The following PCDH15 variants were observed in gnomAD, a reference collection of about 807,000 sequenced individuals.
PCDH15 encodes protocadherin-15.
In PCDH15, 129 loss-of-function variants were observed where a neutral mutation model predicts 178.5. That is an observed-to-expected ratio of 0.72 (90% CI 0.63 to 0.84). The LOEUF is 0.84. Among genes scored for constraint, PCDH15 ranks in the 40% least tolerant of loss-of-function variants. The pLI, the probability that PCDH15 is intolerant of heterozygous loss-of-function variation, is 0.00. For synonymous variants in PCDH15, 800 were observed against 732.0 expected (o/e 1.09, Z -1.50); for missense variants, 2,230 against 2,099.9 (o/e 1.06, Z -1.21).
intron 3 of PCDH15, among the ~76,000 whole-genome samples, chr10:54,492,709 A>G (rs1183836169): frequency 1.3e-5 from 2 of 152,188 alleles, no homozygotes; most frequent in African/African-American, 4.8e-5. Context: ...TTTAAGAGAC[A>G]GACTACATTC....
intron 3 of PCDH15, among the ~76,000 whole-genome samples, chr10:54,809,090 CTT>C (rs1364093950): frequency 3.3e-5 from 5 of 152,110 alleles, no homozygotes; most frequent in Admixed American, 2.6e-4. Context: ...GAGGGATACT[CTT>C]TGCAAATTTT....
At chr10:55,438,062 C>T (rs1015700732) in intron 2 of PCDH15, among the ~76,000 whole-genome samples, 6 of 151,650 alleles carry the variant, frequency 4.0e-5, no homozygotes, top group African/African-American at 1.2e-4. Context: ...CTCAAACTAC[C>T]GACCTCAGGT....
intron 1 of PCDH15, among the ~76,000 whole-genome samples, chr10:55,246,548 C>A (rs1028789621): frequency 6.6e-6 from 1 of 152,160 alleles, no homozygotes; most frequent in Non-Finnish European, 1.5e-5. Flanking sequence ...GATTTATGAC[C>A]TAATGGGTAA....
intron 2 of PCDH15, among the ~76,000 whole-genome samples, chr10:55,062,570 C>T (rs1841459646): frequency 6.6e-6 from 1 of 152,018 alleles, no homozygotes; most frequent in South Asian, 2.1e-4. Context: ...TCAGTAATTG[C>T]CTGAGGTTGA....
In PCDH15 at chr10:53,938,803, A is replaced by G; in HGVS notation, c.3373+12T>C. 1 of 1,611,840 alleles carries G rather than the reference A, an allele frequency of 6.2e-7. No individual in the cohort carries two copies. Among genetic ancestry groups the G allele is most frequent in the Non-Finnish European group, 8.5e-7 (1 of 1,179,336 alleles). ...TACAATTCTGGTAAAAGCTTTAAGT[A>G]GTATAACTTACTTTTTGAAGGAACT... is the stretch of plus-strand genomic sequence containing the variant. On this transcript the variant is annotated intron_variant, in intron 25 of 37. Coordinates refer to ENST00000644397, the MANE Select transcript of PCDH15 (RefSeq NM_001384140.1).
intron 1 of PCDH15, among the ~76,000 whole-genome samples, chr10:55,202,743 G>A (rs888546281): frequency 6.6e-5 from 10 of 152,214 alleles, no homozygotes; most frequent in Admixed American, 4.6e-4. Flanking sequence ...GAAATCATGG[G>A]TTTCCCCCAT....
chr10:53,855,920 A>ATATATATATATATATATGTGTGTG (rs1201156130), intron 28 of PCDH15, among the ~76,000 whole-genome samples: 9 of 140,412 alleles, frequency 6.4e-5, no homozygotes, highest in South Asian at 4.8e-4. Flanking sequence ...ATATATATAT[A>ATATATATATATATATATGTGTGTG]TGTATGTGTG....
At chr10:54,643,619 T>A (rs536675706) in intron 2 of PCDH15, among the ~76,000 whole-genome samples, 58 of 152,198 alleles carry the variant, frequency 3.8e-4, no homozygotes, top group Non-Finnish European at 5.7e-4. Context: ...GTTACTTTTT[T>A]AAAAAATACA....
At chr10:54,494,173 A>G (rs1326072252) in intron 3 of PCDH15, among the ~76,000 whole-genome samples, 2 of 151,908 alleles carry the variant, frequency 1.3e-5, no homozygotes, top group Non-Finnish European at 2.9e-5. Context: ...CCAGCATGGC[A>G]CATGTATACA....
intron 14 of PCDH15, among the ~76,000 whole-genome samples, chr10:54,137,203 T>C (rs1465512213): frequency 6.6e-6 from 1 of 152,228 alleles, no homozygotes; most frequent in Non-Finnish European, 1.5e-5. Context: ...GCAAGCATTT[T>C]GTATTCATAT....
At chr10:54,228,525 C>A (rs1045362147) in intron 9 of PCDH15, among the ~76,000 whole-genome samples, 1 of 152,120 alleles carries the variant, frequency 6.6e-6, no homozygotes, top group Non-Finnish European at 1.5e-5. Flanking sequence ...ATGCTAAGAG[C>A]ATCTACTCTC....
intron 6 of PCDH15, among the ~76,000 whole-genome samples, chr10:54,336,447 C>A (rs556364109): frequency 1.3e-5 from 2 of 152,158 alleles, no homozygotes; most frequent in African/African-American, 2.4e-5. Flanking sequence ...CTGGACCCCC[C>A]TTTCCGTGTG....
intron 3 of PCDH15, among the ~76,000 whole-genome samples, chr10:54,874,018 A>T (rs1258734105): frequency 2.2e-5 from 3 of 138,118 alleles, no homozygotes; most frequent in Admixed American, 7.5e-5. Flanking sequence ...CATGTGCACA[A>T]TGTGCAGGTT....
intron 2 of PCDH15, among the ~76,000 whole-genome samples, chr10:55,078,212 T>G (rs1308541347): frequency 1.3e-5 from 2 of 152,188 alleles, no homozygotes; most frequent in Non-Finnish European, 2.9e-5. Context: ...TTTTTGTAAA[T>G]GACTAGATGA....
At chr10:55,610,655 T>C (rs1309835564) in intron 2 of PCDH15, among the ~76,000 whole-genome samples, 5 of 152,068 alleles carry the variant, frequency 3.3e-5, no homozygotes, top group Admixed American at 3.3e-4. Context: ...AAAGATACTG[T>C]TGAAAATTTA....
chr10:54,261,011 T>A (rs371266030), intron 8 of PCDH15, among the ~76,000 whole-genome samples: 7 of 152,310 alleles, frequency 4.6e-5, no homozygotes, highest in African/African-American at 1.7e-4. Flanking sequence ...TCAACCTTCA[T>A]AATGTTCAAA....
chr10:55,470,383 C>T (rs1432519079), intron 2 of PCDH15, among the ~76,000 whole-genome samples: 6 of 151,854 alleles, frequency 4.0e-5, no homozygotes, highest in African/African-American at 1.5e-4. Flanking sequence ...TTTGTCCCTA[C>T]CCATTTATTA....
At chr10:55,555,814 GA>G (rs1313129413) in intron 2 of PCDH15, among the ~76,000 whole-genome samples, 1 of 151,906 alleles carries the variant, frequency 6.6e-6, no homozygotes, top group Non-Finnish European at 1.5e-5. Context: ...GAACACCAGA[GA>G]ATCTGCCATA....
intron 6 of PCDH15, among the ~76,000 whole-genome samples, chr10:54,340,446 C>G (rs1942018595): frequency 6.6e-6 from 1 of 152,096 alleles, no homozygotes; most frequent in South Asian, 2.1e-4. Context: ...AGAGGAAGAA[C>G]CAAACATTTT....
Sources: gnomAD v4.1 joint callset for allele counts (sites outside exome capture counted in the v4.1 genomes callset) on GRCh38, gnomAD v4.1.1 for gene constraint, MANE v1.5 for transcripts, NCBI Gene and HGNC (gene_info 2026-07-23, HGNC 2026-07-21) for gene names.